The following EP300 variants were observed in gnomAD, a reference collection of about 807,000 sequenced individuals.
The protein encoded by EP300 is histone acetyltransferase p300.
Under a neutral mutation model 264.0 loss-of-function variants are expected in EP300, and 31 were observed. The observed-to-expected ratio is 0.12, with a 90% CI of 0.09 to 0.16. The LOEUF is 0.16. EP300 is among the 10% of genes least tolerant of loss of function. The probability of loss-of-function intolerance (pLI) is 1.00; values close to 1 mark genes in which losing one functional copy is unlikely to be tolerated. For missense variants in EP300, 2,766 were observed against 3,052.9 expected (o/e 0.91, Z 2.21); for synonymous variants, 1,340 against 1,045.4 (o/e 1.28, Z -5.44).
In EP300 at chr22:41,125,974, A is replaced by G. The variant is rs2058880100; in HGVS notation, c.840A>G (p.Leu280=). Residue 280 remains leucine, a synonymous_variant, in exon 3 of 31, where the codon CTA becomes CTG. Transcript: ENST00000263253. The part of the protein sequence containing the change: ...LGLQIQTKTV[L]SNNLSPFAMD... ...TCCAGATTCAGACAAAAACTGTACT[A>G]TCAAATAACTTATCTCCATTTGCTA... 4.3e-6 allele frequency: 7 copies of G among 1,614,214 alleles called. No homozygotes were observed. Among genetic ancestry groups the G allele is most frequent in the Non-Finnish European group, 5.9e-6 (7 of 1,180,050 alleles).
At chr22:41,142,013 A>C (rs1335543434) in intron 10 of EP300, among the ~76,000 whole-genome samples, 1 of 152,200 alleles carries the variant, frequency 6.6e-6, no homozygotes, top group African/African-American at 2.4e-5. Flanking sequence ...TGACAGCTTC[A>C]GTTTCTGATT....
In EP300 at chr22:41,177,689, C is replaced by T; in HGVS notation, c.5978C>T (p.Pro1993Leu). Residue 1993 changes from proline to leucine, a missense_variant, in exon 31 of 31, where the codon CCA becomes CTA. Coordinates refer to ENST00000263253, the MANE Select transcript of EP300 (RefSeq NM_001429.4). ...GMGPTGMQQQ[P>L]PWSQGGLPQP... is the part of the protein sequence containing the mutation. ...GGACCGACAGGGATGCAGCAACAGCCACCCTGGAGCCAAGGAGGATTGCCT... is the reference window on the plus strand; with the variant it reads ...GGACCGACAGGGATGCAGCAACAGCTACCCTGGAGCCAAGGAGGATTGCCT... 2 of 1,613,840 alleles carry T rather than the reference C, an allele frequency of 1.2e-6. No individual in the cohort carries two copies. Among genetic ancestry groups the T allele is most frequent in the Non-Finnish European group, 1.7e-6 (2 of 1,180,014 alleles).
chr22:41,137,009 G>A (rs1008751414), intron 7 of EP300, among the ~76,000 whole-genome samples: 7 of 151,850 alleles, frequency 4.6e-5, no homozygotes, highest in Non-Finnish European at 7.4e-5. Context: ...GCAGTGAGCT[G>A]AGATCATGCC....
At chr22:41,094,356 G>C (rs566749581) in intron 1 of EP300, among the ~76,000 whole-genome samples, 83 of 152,244 alleles carry the variant, frequency 5.5e-4, no homozygotes, top group Middle Eastern at 3.4e-3. Context: ...TTTCTAAATA[G>C]GCTTCATTTC....
At position 41,151,869 on chromosome 22, in the gene EP300, T is replaced by C. The variant is rs185943038; in HGVS notation, c.2854T>C (p.Ser952Pro). ...AGCTGTAAGCATTGAAGGACAGGTA[T>C]CAAATCCTCCATCTACTAGTAGCAC... The part of the protein sequence containing the change: ...QPAVSIEGQV[S>P]NPPSTSSTEV... Residue 952 changes from serine to proline, a missense_variant, in exon 15 of 31, where the codon TCA (serine) becomes CCA (proline). Transcript: ENST00000263253. The C allele has an allele frequency of 3.7e-6, 6 of 1,614,148 alleles. No homozygotes were observed. In the Admixed American group the frequency reaches 8.3e-5, roughly 22 times the overall value.
intron 6 of EP300, among the ~76,000 whole-genome samples, chr22:41,134,119 CTGT>C (rs760685943): frequency 4.8e-5 from 7 of 145,574 alleles, no homozygotes; most frequent in South Asian, 2.2e-4. Context: ...CATTCCTGCC[CTGT>C]TGTTATTGTT....
chr22:41,142,222 C>G (rs1336985460), intron 10 of EP300, among the ~76,000 whole-genome samples: 1 of 152,124 alleles, frequency 6.6e-6, no homozygotes, highest in Non-Finnish European at 1.5e-5. Flanking sequence ...TTAGGAAATG[C>G]TAATGACCTC....
At chr22:41,093,857 G>A (rs2058687989) in intron 1 of EP300, among the ~76,000 whole-genome samples, 1 of 152,188 alleles carries the variant, frequency 6.6e-6, no homozygotes, top group Admixed American at 6.5e-5. Flanking sequence ...ATTTTGTGGA[G>A]TTACGTACCT....
In EP300 at chr22:41,150,154, C is replaced by T; in HGVS notation, c.2773C>T (p.Pro925Ser). Residue 925 changes from proline (P) to serine (S), a missense_variant, in exon 14 of 31, where the codon CCT becomes TCT. Transcript: ENST00000263253. ...RSQQSTAASV[P>S]TPTAPLLPPQ... ...ACAGCAGAGCACAGCAGCGTCTGTT[C>T]CTACCCCAACAGCACCGCTGCTTCC... 1.9e-6 allele frequency: 3 copies of T among 1,611,750 alleles called. No homozygotes were observed. Among genetic ancestry groups the T allele is most frequent in the Non-Finnish European group, 2.5e-6 (3 of 1,179,828 alleles).
In EP300 at chr22:41,157,177, T is replaced by C. The variant is rs2059082059; in HGVS notation, c.3270T>C (p.Phe1090=). Residue 1090 remains phenylalanine, a synonymous_variant, in exon 18 of 31, where the codon TTT becomes TTC. Coordinates refer to ENST00000263253, the MANE Select transcript of EP300 (RefSeq NM_001429.4). ...GTCACTTGTCTTTCTAGGATTACTT[T>C]GATATTGTGAAGAGCCCCATGGATC... The part of the protein sequence containing the change: ...DPQLLGIPDY[F]DIVKSPMDLS... The C allele has an allele frequency of 1.2e-6, 2 of 1,614,172 alleles. No individual in the cohort carries two copies. The highest frequency in any genetic ancestry group is 1.1e-5 in the South Asian group (1 of 91,070).
At position 41,173,883 on chromosome 22, in the gene EP300, G is replaced by A. The variant is rs2076580; in HGVS notation, c.4779+99G>A. 0.32 allele frequency: 467,742 copies of A among 1,443,124 alleles called. 80,088 individuals are homozygous for A. The highest frequency in any genetic ancestry group is 0.54 in the East Asian group (23,247 of 43,452). The allele number at this position is 1,443,124 out of a possible 1,614,324, so 89.4% of individuals were successfully genotyped here. A position where few individuals can be genotyped will look rare whatever the true frequency, so the allele number is the denominator to read the frequency against. On this transcript the variant is annotated intron_variant, in intron 29 of 30. Coordinates refer to ENST00000263253, the MANE Select transcript of EP300 (RefSeq NM_001429.4). ...TCCCAGCACTTTGGGAGGCCAAGGC[G>A]GGTGGATCACCTGAGGTCAGGAGTT... is the stretch of plus-strand genomic sequence containing the variant.
chr22:41,115,167 T>C (rs738630), intron 1 of EP300, among the ~76,000 whole-genome samples: 98,539 of 151,400 alleles, frequency 0.65, 32,426 homozygotes, highest in East Asian at 0.83. Flanking sequence ...CAAATAATTT[T>C]TATAGTAGGT....
chr22:41,100,630 A>C (rs2145676021), intron 1 of EP300, among the ~76,000 whole-genome samples: 2 of 152,192 alleles, frequency 1.3e-5, no homozygotes, highest in South Asian at 4.1e-4. Flanking sequence ...TAAACAATAC[A>C]GTGCACCAAC....
chr22:41,108,804 C>T (rs2058772485), intron 1 of EP300, among the ~76,000 whole-genome samples: 1 of 152,166 alleles, frequency 6.6e-6, no homozygotes, highest in African/African-American at 2.4e-5. Context: ...CGGGAAATGT[C>T]TTACTGGAGA....
At position 41,179,522 on chromosome 22, in the gene EP300, T is replaced by TA. The variant is rs1601643514; in HGVS notation, c.*572dup. Reference sequence around the variant, plus strand: ...CTGGGTGCAAAGATGTTCATTCTTTTAAAAAATGTTTAAAAAAAAAAAAAA... The same window carrying TA: ...CTGGGTGCAAAGATGTTCATTCTTTTAAAAAAATGTTTAAAAAAAAAAAAAA... On this transcript the variant is annotated 3_prime_UTR_variant, in exon 31 of 31. Transcript: ENST00000263253. 1.2e-5 allele frequency: 2 copies of TA among 170,804 alleles called. No homozygotes were observed. The highest frequency in any genetic ancestry group is 9.0e-5 in the East Asian group (1 of 11,132). 10.6% of individuals were successfully genotyped at this position (170,804 alleles called of 1,614,324 possible). A position where few individuals can be genotyped will look rare whatever the true frequency, so the allele number is the denominator to read the frequency against.
intron 20 of EP300, among the ~76,000 whole-genome samples, chr22:41,161,842 C>G (rs919840110): frequency 6.6e-6 from 1 of 152,114 alleles, no homozygotes; most frequent in Non-Finnish European, 1.5e-5. Flanking sequence ...AAATTGCGTT[C>G]TAAAGATAGC....
intron 19 of EP300, chr22:41,158,944 T>A (rs2059093019): frequency 5.8e-6 from 1 of 173,240 alleles, no homozygotes; most frequent in African/African-American, 2.4e-5. Flanking sequence ...AAAACAGGAT[T>A]CTGGAGTCTT....
rs778273598 is a variant in EP300, at chr22:41,151,814, C to G, written c.2818-19C>G. 2 of 1,613,586 alleles carry G rather than the reference C, an allele frequency of 1.2e-6. No individual in the cohort carries two copies. Among genetic ancestry groups the G allele is most frequent in the African/African-American group, 1.3e-5 (1 of 74,908 alleles). ...GACTCTGCGTGTGTCTCACCTACTT[C>G]CCTTTTTTTTCTGCCCAGCTTTCCC... On this transcript the variant is annotated intron_variant, in intron 14 of 30. Coordinates refer to ENST00000263253, the MANE Select transcript of EP300 (RefSeq NM_001429.4).
At chr22:41,169,347 G>A (rs1030356366) in intron 25 of EP300, 156 bp from the exon 26 acceptor site, 20 of 656,154 alleles carry the variant, frequency 3.0e-5, no homozygotes, top group Admixed American at 2.3e-4. Flanking sequence ...AAGGGTTCAC[G>A]GCGGAGTCGC....
Sources: gnomAD v4.1 joint callset for allele counts (sites outside exome capture counted in the v4.1 genomes callset) on GRCh38, gnomAD v4.1.1 for gene constraint, MANE v1.5 for transcripts, NCBI Gene and HGNC (gene_info 2026-07-23, HGNC 2026-07-21) for gene names.